The following SMG6 variants were observed in gnomAD, a reference collection of about 807,000 sequenced individuals.
SMG6 encodes SMG6 nonsense mediated mRNA decay factor.
In SMG6, 66 loss-of-function variants were observed where a neutral mutation model predicts 142.2. That is an observed-to-expected ratio of 0.46 (90% CI 0.38 to 0.57). The LOEUF (loss-of-function observed/expected upper bound fraction) is 0.57, where lower values mean the gene tolerates loss of function less well. Among genes scored for constraint, SMG6 ranks in the 20% least tolerant of loss-of-function variants. The probability of loss-of-function intolerance (pLI) is 0.00; values close to 1 mark genes in which losing one functional copy is unlikely to be tolerated. For missense variants in SMG6, 1,793 were observed against 1,832.0 expected, an observed-to-expected ratio of 0.98 and a Z score of 0.39; for synonymous variants, 779 against 702.4, an observed-to-expected ratio of 1.11 and a Z score of -1.72.
intron 6 of SMG6, among the ~76,000 whole-genome samples, chr17:2,287,691 T>C (rs1279327973): frequency 2.0e-5 from 3 of 152,192 alleles, no homozygotes; most frequent in Non-Finnish European, 2.9e-5. Context: ...ATGTGGTATA[T>C]ATACACAATG....
intron 13 of SMG6, among the ~76,000 whole-genome samples, chr17:2,118,896 G>A (rs1672513639): frequency 9.4e-6 from 1 of 106,094 alleles, no homozygotes; most frequent in African/African-American, 4.0e-5. Flanking sequence ...GCTCAATGTA[G>A]CTTTTTTTTT....
Position 2,300,671 on chromosome 17 carries a change from T to A in SMG6, c.89-7A>T. 6.4e-7 allele frequency: 1 copy of A among 1,562,150 alleles called. No individual in the cohort carries two copies. Among genetic ancestry groups the A allele is most frequent in the Non-Finnish European group, 8.6e-7 (1 of 1,158,480 alleles). On this transcript the variant is annotated splice_polypyrimidine_tract_variant and splice_region_variant and intron_variant, in intron 1 of 18. Coordinates refer to ENST00000263073, the MANE Select transcript of SMG6 (RefSeq NM_017575.5). ...TTTAATTCCTTCATGTTTTCTGTTA[T>A]GTCGGGGAAAGAGTTTGGGAGGGAA...
chr17:2,172,847 A>G lies in SMG6; in HGVS notation c.3168T>C (p.Asp1056=), dbSNP rs1304864182. 10 of 1,614,048 alleles carry G rather than the reference A, an allele frequency of 6.2e-6. No individual in the cohort carries two copies. In the East Asian group the frequency reaches 2.2e-4, roughly 36 times the overall value. ...SLDLPSHVAV[D]VWSTLADFCN... is the part of the protein sequence containing the mutation. ...AGAAATCAGCCAGCGTCGACCATAC[A>G]TCCACAGCAACACTGTGAGAAATAA... is the stretch of plus-strand genomic sequence containing the variant. Residue 1056 remains aspartate, a synonymous_variant, in exon 13 of 19, where the codon GAT becomes GAC. Coordinates refer to ENST00000263073, the MANE Select transcript of SMG6 (RefSeq NM_017575.5).
intron 13 of SMG6, among the ~76,000 whole-genome samples, chr17:2,114,686 T>C (rs539369682): frequency 1.3e-5 from 2 of 152,042 alleles, no homozygotes; most frequent in South Asian, 2.1e-4. Context: ...CCCAGCACTT[T>C]GGGGGGCCAA....
chr17:2,145,722 GAAATAA>G (rs1246270411), intron 13 of SMG6, among the ~76,000 whole-genome samples: 1 of 145,130 alleles, frequency 6.9e-6, no homozygotes, highest in African/African-American at 2.6e-5. Context: ...TGTACCTCCA[GAAATAA>G]AAACAAAAAA....
intron 11 of SMG6, among the ~76,000 whole-genome samples, chr17:2,187,926 G>A (rs894834081): frequency 1.3e-5 from 2 of 152,086 alleles, no homozygotes; most frequent in Admixed American, 6.6e-5. Flanking sequence ...CAGCCTTAAA[G>A]GATATGGGAT....
intron 8 of SMG6, among the ~76,000 whole-genome samples, chr17:2,281,985 T>A (rs2074797687): frequency 6.6e-6 from 1 of 152,222 alleles, no homozygotes; most frequent in Non-Finnish European, 1.5e-5. Flanking sequence ...GGCTATGTGC[T>A]CTCATATACT....
chr17:2,206,318 C>T (rs1458144428), intron 10 of SMG6, among the ~76,000 whole-genome samples: 1 of 152,094 alleles, frequency 6.6e-6, no homozygotes, highest in Non-Finnish European at 1.5e-5. Flanking sequence ...GATGCAGTGG[C>T]TCATGCCTAT....
rs1004120637 is a variant in SMG6 at position 2,086,925 on chromosome 17, C to T, written c.3358-1024G>A. Reference sequence around the variant, plus strand: ...TGAAGGCCATTCCACATGGGAAACACACGTCCGTGGCCAGACGTGCCACAG... The same window carrying T: ...TGAAGGCCATTCCACATGGGAAACATACGTCCGTGGCCAGACGTGCCACAG... On this transcript the variant is annotated intron_variant, in intron 13 of 18. Transcript: ENST00000263073. 1.7e-5 allele frequency: 19 copies of T among 1,106,572 alleles called. No homozygotes were observed. The African/African-American group carries it at 3.1e-4, about 18-fold the overall frequency. The allele number at this position is 1,106,572 out of a possible 1,614,324, so 68.5% of individuals were successfully genotyped here.
At chr17:2,144,007 C>A (rs2070575685) in intron 13 of SMG6, among the ~76,000 whole-genome samples, 1 of 150,048 alleles carries the variant, frequency 6.7e-6, no homozygotes, top group African/African-American at 2.5e-5. Flanking sequence ...CCCCACTTAG[C>A]CTCCCAAGTA....
intron 13 of SMG6, among the ~76,000 whole-genome samples, chr17:2,125,321 T>A (rs1490992020): frequency 6.6e-6 from 1 of 152,134 alleles, no homozygotes; most frequent in African/African-American, 2.4e-5. Context: ...CCAGACATCC[T>A]GAGACCAATG....
intron 13 of SMG6, among the ~76,000 whole-genome samples, chr17:2,111,103 A>G (rs772815808): frequency 2.0e-5 from 3 of 152,180 alleles, no homozygotes; most frequent in Non-Finnish European, 4.4e-5. Flanking sequence ...CTGAAATTCA[A>G]TAAATATTTA....
At chr17:2,092,238 G>A (rs372046551) in intron 13 of SMG6, among the ~76,000 whole-genome samples, 4 of 152,142 alleles carry the variant, frequency 2.6e-5, no homozygotes, top group Admixed American at 6.5e-5. Context: ...CACCGCGCCC[G>A]GCCTTTCTCA....
chr17:2,073,617 G>A (rs1306440874), intron 15 of SMG6, among the ~76,000 whole-genome samples: 2 of 148,234 alleles, frequency 1.3e-5, no homozygotes, highest in East Asian at 2.0e-4. Flanking sequence ...GCTGAGGCAG[G>A]AGAATTGCTT....
At chr17:2,185,674 C>T (rs564992998) in intron 12 of SMG6, among the ~76,000 whole-genome samples, 84 of 149,768 alleles carry the variant, frequency 5.6e-4, no homozygotes, top group African/African-American at 1.8e-3. Context: ...CGAGGGCAGG[C>T]TCATGGTGAG....
At chr17:2,216,181 A>G (rs8077194) in intron 10 of SMG6, among the ~76,000 whole-genome samples, 112,683 of 151,980 alleles carry the variant, frequency 0.74, 42,290 homozygotes, top group African/African-American at 0.8. Context: ...GTGGAAACTC[A>G]GATGGCAGGT....
At chr17:2,239,985 G>C (rs1215200004) in intron 9 of SMG6, 1 of 152,196 alleles carries the variant, frequency 6.6e-6, no homozygotes, top group African/African-American at 2.4e-5. Context: ...AGAGCCTATA[G>C]GCTGCCAGCT....
At chr17:2,146,964 G>C (rs566360281) in intron 13 of SMG6, among the ~76,000 whole-genome samples, 1 of 152,302 alleles carries the variant, frequency 6.6e-6, no homozygotes, top group East Asian at 1.9e-4. Context: ...GCAGTTAGGG[G>C]TTTCCTTATT....
intron 10 of SMG6, among the ~76,000 whole-genome samples, chr17:2,228,825 C>T (rs1177733439): frequency 2.0e-5 from 3 of 152,190 alleles, no homozygotes; most frequent in Admixed American, 1.3e-4. Context: ...TACATAGGAA[C>T]ATCTGAGGGA....
Sources: allele counts gnomAD v4.1 joint callset (sites outside exome capture counted in the v4.1 genomes callset), GRCh38; gene constraint gnomAD v4.1.1; transcripts MANE v1.5; gene names NCBI Gene and HGNC (gene_info 2026-07-23, HGNC 2026-07-21).